Variants in RORB observed in about 807,000 individuals in gnomAD.
The protein encoded by RORB is nuclear receptor ROR-beta.
RORB carries 6 observed loss-of-function variants against 59.1 expected under a neutral mutation model. That is an observed-to-expected ratio of 0.10 (90% confidence interval 0.06 to 0.20). The LOEUF is 0.20. Among genes scored for constraint, RORB ranks in the 10% least tolerant of loss-of-function variants. The pLI is 1.00. For synonymous variants in RORB, 215 were observed against 204.5 expected, an observed-to-expected ratio of 1.05 and a Z score of -0.44; for missense variants, 320 against 560.5, an observed-to-expected ratio of 0.57 and a Z score of 4.33.
chr9:74,580,307 A>C (rs544751146), intron 1 of RORB, among the ~76,000 whole-genome samples: 130 of 152,282 alleles, frequency 8.5e-4, no homozygotes, highest in African/African-American at 3.0e-3. Context: ...GAATCTCCAA[A>C]ATATGTATAA....
intron 1 of RORB, among the ~76,000 whole-genome samples, chr9:74,554,156 T>C (rs1826654714): frequency 6.6e-6 from 1 of 152,164 alleles, no homozygotes; most frequent in Admixed American, 6.5e-5. Context: ...TACTCCAAAC[T>C]CTTGATTGCA....
intron 1 of RORB, among the ~76,000 whole-genome samples, chr9:74,554,711 T>C (rs1826667543): frequency 6.6e-6 from 1 of 152,200 alleles, no homozygotes; most frequent in African/African-American, 2.4e-5. Context: ...AGTAGAAAGA[T>C]AGTTGAAATA....
At chr9:74,649,183 C>T (rs1031050306) in intron 4 of RORB, among the ~76,000 whole-genome samples, 2 of 152,170 alleles carry the variant, frequency 1.3e-5, no homozygotes, top group Non-Finnish European at 2.9e-5. Context: ...CTCCTGACCT[C>T]AGGTAACACA....
At chr9:74,624,963 T>G (rs1823485568) in intron 1 of RORB, among the ~76,000 whole-genome samples, 1 of 152,082 alleles carries the variant, frequency 6.6e-6, no homozygotes, top group South Asian at 2.1e-4. Context: ...TGTCCTAGAA[T>G]GTAGTCTGTG....
At chr9:74,543,578 ATC>A (rs1453507956) in intron 1 of RORB, among the ~76,000 whole-genome samples, 1 of 151,934 alleles carries the variant, frequency 6.6e-6, no homozygotes, top group East Asian at 1.9e-4. Context: ...CTCTAGGTGA[ATC>A]CAGAAGTTCA....
At chr9:74,680,220 A>T (rs1824525150) in intron 9 of RORB, among the ~76,000 whole-genome samples, 1 of 152,232 alleles carries the variant, frequency 6.6e-6, no homozygotes, top group Non-Finnish European at 1.5e-5. Flanking sequence ...ATCTCATAGA[A>T]CTCAAGGTTA....
intron 1 of RORB, among the ~76,000 whole-genome samples, chr9:74,538,936 C>G (rs556581614): frequency 6.6e-6 from 1 of 152,222 alleles, no homozygotes; most frequent in African/African-American, 2.4e-5. Context: ...TAATAATGCC[C>G]ACCTTGAAGA....
chr9:74,577,146 T>C (rs1394813551), intron 1 of RORB, among the ~76,000 whole-genome samples: 1 of 152,174 alleles, frequency 6.6e-6, no homozygotes, highest in East Asian at 1.9e-4. Flanking sequence ...GCTTATCTTC[T>C]TACACACTGA....
At chr9:74,603,185 C>T (rs768792682) in intron 1 of RORB, among the ~76,000 whole-genome samples, 1 of 152,156 alleles carries the variant, frequency 6.6e-6, no homozygotes, top group South Asian at 2.1e-4. Flanking sequence ...TATGCCCAGT[C>T]GTGGCTCTCA....
At position 74,646,472 on chromosome 9, in the gene RORB, A is replaced by G. The variant is rs951715249; in HGVS notation, c.637+3657A>G. ...TGTCTTGCTGAAAGTTCACCAACGA[A>G]ACTACAAAATTCCTAGGTTAAGGGC... On this transcript the variant is annotated intron_variant, in intron 4 of 9. Coordinates refer to ENST00000376896, the MANE Select transcript of RORB (RefSeq NM_006914.4). Among the ~76,000 whole-genome samples, 2 of 152,218 alleles carry G rather than the reference A, an allele frequency of 1.3e-5. 1 individual carries two copies. The highest frequency in any genetic ancestry group is 2.9e-5 in the Non-Finnish European group (2 of 68,032).
chr9:74,665,406 C>T (rs1381053050), intron 6 of RORB, 82 bp from the exon 7 acceptor site: 6 of 736,362 alleles, frequency 8.1e-6, no homozygotes, highest in East Asian at 2.8e-5. Context: ...AAGTCTCTTA[C>T]CTATATGCAG....
intron 1 of RORB, among the ~76,000 whole-genome samples, chr9:74,619,724 A>G (rs1823377538): frequency 6.6e-6 from 1 of 152,154 alleles, no homozygotes; most frequent in Admixed American, 6.5e-5. Flanking sequence ...TGCTGGAATT[A>G]CAGGAGTTGG....
rs190975224 is a variant in RORB, at chr9:74,497,507, C to T, written c.-470C>T. 1,403 of 177,588 alleles carry T rather than the reference C, an allele frequency of 7.9e-3. 20 individuals are homozygous for T. Among genetic ancestry groups the T allele is most frequent in the African/African-American group, 0.031 (1,302 of 42,448 alleles). 11.0% of individuals were successfully genotyped at this position (177,588 alleles called of 1,614,324 possible). ...CTGTTTCCTTTTTTCCCCCTTGTTC[C>T]TTCTCCCTCTTCTTTGTAACTAACA... On this transcript the variant is annotated 5_prime_UTR_variant, in exon 1 of 10. Coordinates refer to ENST00000376896, the MANE Select transcript of RORB (RefSeq NM_006914.4).
intron 1 of RORB, among the ~76,000 whole-genome samples, chr9:74,525,425 G>A (rs889446731): frequency 6.6e-6 from 1 of 152,032 alleles, no homozygotes; most frequent in East Asian, 1.9e-4. Flanking sequence ...CATAAAGTTA[G>A]GCAGTAGGGT....
chr9:74,561,077 A>G (rs1822390079), intron 1 of RORB, among the ~76,000 whole-genome samples: 1 of 152,162 alleles, frequency 6.6e-6, no homozygotes, highest in African/African-American at 2.4e-5. Flanking sequence ...TTCTTCTTTA[A>G]GAGAGTAAGC....
intron 1 of RORB, among the ~76,000 whole-genome samples, chr9:74,542,901 C>T (rs539682221): frequency 6.6e-6 from 1 of 152,104 alleles, no homozygotes. Context: ...TAGTGCCAGG[C>T]AACGTACTTA....
chr9:74,671,624 G>A (rs1824347002), intron 8 of RORB, among the ~76,000 whole-genome samples, 165 bp from the exon 9 acceptor site: 1 of 152,102 alleles, frequency 6.6e-6, no homozygotes, highest in South Asian at 2.1e-4. Flanking sequence ...TGGCATCATG[G>A]TATTGCCTAT....
At chr9:74,613,903 T>A (rs542558088) in intron 1 of RORB, among the ~76,000 whole-genome samples, 7 of 152,226 alleles carry the variant, frequency 4.6e-5, no homozygotes, top group African/African-American at 1.7e-4. Flanking sequence ...TTAAAGGTCA[T>A]GATTTTATTA....
intron 7 of RORB, among the ~76,000 whole-genome samples, chr9:74,667,249 C>T (rs893729071): frequency 6.6e-5 from 10 of 152,216 alleles, no homozygotes; most frequent in African/African-American, 2.4e-4. Context: ...TCTAGCTCCT[C>T]AGTGAAATTT....
Sources: gnomAD v4.1 joint callset for allele counts (sites outside exome capture counted in the v4.1 genomes callset) on GRCh38, gnomAD v4.1.1 for gene constraint, MANE v1.5 for transcripts, NCBI Gene and HGNC (gene_info 2026-07-23, HGNC 2026-07-21) for gene names.